CSNK1G1: variants seen among roughly 807,000 people sequenced by gnomAD.
CSNK1G1 encodes the protein casein kinase I isoform gamma-1.
CSNK1G1 carries 22 observed loss-of-function variants against 59.6 expected under a neutral mutation model. That is an observed-to-expected ratio of 0.37 (90% confidence interval 0.26 to 0.53). The LOEUF (loss-of-function observed/expected upper bound fraction) is 0.53, where lower values mean the gene tolerates loss of function less well. CSNK1G1 is among the 20% of genes least tolerant of loss of function. CSNK1G1 has a pLI of 0.89. For synonymous variants in CSNK1G1, 179 were observed against 177.1 expected (o/e 1.01, Z -0.08); for missense variants, 384 against 519.5 (o/e 0.74, Z 2.54).
At chr15:64,234,580 G>A (rs1217897906) in intron 4 of CSNK1G1, among the ~76,000 whole-genome samples, 2 of 152,120 alleles carry the variant, frequency 1.3e-5, no homozygotes, top group African/African-American at 2.4e-5. Context: ...CCCTATGCCA[G>A]GACCACACAC....
Position 64,169,398 on chromosome 15 carries a change from A to G in CSNK1G1, c.*2533T>C, listed in dbSNP as rs1357085604. On this transcript the variant is annotated 3_prime_UTR_variant, in exon 12 of 12. Coordinates refer to ENST00000303052, the MANE Select transcript of CSNK1G1 (RefSeq NM_022048.5). ...CGGGAGCATGCCACCATGCCCAGCTAATTTTTGTATTTTTTGTAGAGACGG... is the reference window on the plus strand; with the variant it reads ...CGGGAGCATGCCACCATGCCCAGCTGATTTTTGTATTTTTTGTAGAGACGG... 6.6e-6 allele frequency: 1 copy of G among 151,944 alleles called. No homozygotes were observed. Among genetic ancestry groups the G allele is most frequent in the Non-Finnish European group, 1.5e-5 (1 of 68,040 alleles). 9.4% of individuals were successfully genotyped at this position (151,944 alleles called of 1,614,324 possible). A position where few individuals can be genotyped will look rare whatever the true frequency, so the allele number is the denominator to read the frequency against.
chr15:64,333,221 C>T (rs1897206474), intron 1 of CSNK1G1, among the ~76,000 whole-genome samples: 1 of 124,296 alleles, frequency 8.0e-6, no homozygotes, highest in South Asian at 2.7e-4. Flanking sequence ...TGCGCCATTG[C>T]ACTCCAGACT....
chr15:64,278,420 A>AT (rs1445016809), intron 2 of CSNK1G1, among the ~76,000 whole-genome samples: 1 of 65,250 alleles, frequency 1.5e-5, no homozygotes, highest in Non-Finnish European at 2.7e-5. Context: ...GTGTGTGTGT[A>AT]TATATATATA....
chr15:64,283,244 G>C (rs1395275878), intron 2 of CSNK1G1, among the ~76,000 whole-genome samples: 1 of 151,968 alleles, frequency 6.6e-6, no homozygotes, highest in Admixed American at 6.6e-5. Context: ...TTATGAATGA[G>C]TTGTAAGAGT....
intron 2 of CSNK1G1, among the ~76,000 whole-genome samples, chr15:64,277,354 A>G (rs984777442): frequency 1.3e-5 from 2 of 151,878 alleles, no homozygotes; most frequent in African/African-American, 2.4e-5. Context: ...AGCCCTAGCT[A>G]CTTGGGAGGC....
intron 4 of CSNK1G1, among the ~76,000 whole-genome samples, chr15:64,247,156 T>C (rs1013483160): frequency 1.3e-5 from 2 of 152,158 alleles, no homozygotes; most frequent in African/African-American, 4.8e-5. Context: ...GGAAAAAAGA[T>C]TTATGGATTG....
At chr15:64,276,401 C>G (rs897060139) in intron 2 of CSNK1G1, among the ~76,000 whole-genome samples, 1 of 152,068 alleles carries the variant, frequency 6.6e-6, no homozygotes, top group Non-Finnish European at 1.5e-5. Context: ...ATTTCAGTAA[C>G]TTTATTATTT....
rs1898228217 is a variant in CSNK1G1 at position 64,350,484 on chromosome 15, G to C, written c.-225+5504C>G. Among the ~76,000 whole-genome samples the C allele has an allele frequency of 2.0e-5, 3 of 151,830 alleles. No individual in the cohort carries two copies. The South Asian group carries it at 6.2e-4, about 32-fold the overall frequency. On this transcript the variant is annotated intron_variant, in intron 1 of 11. Coordinates refer to ENST00000303052, the MANE Select transcript of CSNK1G1 (RefSeq NM_022048.5). Reference sequence around the variant, plus strand: ...CCACTGCACTCCAGCCTGAGCAACAGAGCAAGACTCTGTCTCCAAAAAAAA... The same window carrying C: ...CCACTGCACTCCAGCCTGAGCAACACAGCAAGACTCTGTCTCCAAAAAAAA...
intron 2 of CSNK1G1, among the ~76,000 whole-genome samples, chr15:64,288,114 G>A (rs1163714222): frequency 1.3e-5 from 2 of 152,220 alleles, no homozygotes; most frequent in African/African-American, 4.8e-5. Flanking sequence ...TTAATGAAAG[G>A]TATATTGATA....
At chr15:64,304,721 G>T (rs943749597) in intron 1 of CSNK1G1, among the ~76,000 whole-genome samples, 10 of 152,172 alleles carry the variant, frequency 6.6e-5, no homozygotes, top group African/African-American at 2.4e-4. Flanking sequence ...TATCAAAAGT[G>T]AGGTACATAA....
chr15:64,296,504 C>G (rs1403706096), intron 2 of CSNK1G1, among the ~76,000 whole-genome samples: 1 of 152,146 alleles, frequency 6.6e-6, no homozygotes, highest in Non-Finnish European at 1.5e-5. Flanking sequence ...GAGACAAAAA[C>G]TATATCTTCT....
intron 1 of CSNK1G1, among the ~76,000 whole-genome samples, chr15:64,318,840 A>C (rs1269418934): frequency 2.0e-5 from 3 of 151,654 alleles, no homozygotes; most frequent in Admixed American, 6.6e-5. Flanking sequence ...TGAACTCCTG[A>C]CCTCAGGTGA....
rs781384186 is a variant in CSNK1G1 at position 64,207,567 on chromosome 15, G to C, written c.707C>G (p.Ala236Gly). Residue 236 changes from alanine to glycine, a missense_variant, in exon 7 of 12, where the codon GCC (alanine) becomes GGC (glycine). Physicochemically the swap from Ala to Gly is moderately conservative, Grantham distance 60. Coordinates refer to ENST00000303052, the MANE Select transcript of CSNK1G1 (RefSeq NM_022048.5). ...GAAATACATGAACATATGGCCTAGG[G>C]CTTCCAAATCATCTCTCCGGCTTTG... ...KEQSRRDDLE[A>G]LGHMFMYFLR... 4 of 1,613,970 alleles carry C rather than the reference G, an allele frequency of 2.5e-6. No homozygotes were observed. Among genetic ancestry groups the C allele is most frequent in the Non-Finnish European group, 3.4e-6 (4 of 1,179,872 alleles).
At chr15:64,319,705 C>T (rs1377462311) in intron 1 of CSNK1G1, among the ~76,000 whole-genome samples, 2 of 151,842 alleles carry the variant, frequency 1.3e-5, no homozygotes, top group East Asian at 1.9e-4. Flanking sequence ...CCGCCATGCC[C>T]GGCTAATTTT....
chr15:64,221,849 A>C (rs577415966), intron 4 of CSNK1G1, among the ~76,000 whole-genome samples: 1 of 152,276 alleles, frequency 6.6e-6, no homozygotes, highest in South Asian at 2.1e-4. Flanking sequence ...TAGTTCAACC[A>C]TTGTGGAAGA....
chr15:64,285,251 T>C (rs912440398), intron 2 of CSNK1G1, among the ~76,000 whole-genome samples: 1 of 152,058 alleles, frequency 6.6e-6, no homozygotes, highest in Admixed American at 6.6e-5. Context: ...CACATAGCAA[T>C]GTAGTTAATA....
chr15:64,276,209 T>TA (rs1893607328), intron 2 of CSNK1G1, among the ~76,000 whole-genome samples: 1 of 152,230 alleles, frequency 6.6e-6, no homozygotes, highest in African/African-American at 2.4e-5. Flanking sequence ...TTCAAGGGCC[T>TA]ATGCTTTACA....
intron 9 of CSNK1G1, among the ~76,000 whole-genome samples, chr15:64,203,464 G>A (rs1011910102): frequency 2.0e-5 from 3 of 151,876 alleles, no homozygotes; most frequent in Non-Finnish European, 4.4e-5. Flanking sequence ...TTGGGAGGCC[G>A]AGGTGAGTGG....
intron 1 of CSNK1G1, among the ~76,000 whole-genome samples, chr15:64,326,537 A>G (rs1596280951): frequency 1.3e-5 from 2 of 152,014 alleles, no homozygotes; most frequent in African/African-American, 4.8e-5. Context: ...CCAGCCACTC[A>G]GGAGGCCGAA....
Sources: gnomAD v4.1 joint callset for allele counts (sites outside exome capture counted in the v4.1 genomes callset) on GRCh38, gnomAD v4.1.1 for gene constraint, MANE v1.5 for transcripts, NCBI Gene and HGNC (gene_info 2026-07-23, HGNC 2026-07-21) for gene names.